SHISAL1: variants seen among roughly 807,000 people sequenced by gnomAD.
SHISAL1 encodes shisa like 1.
A neutral mutation model predicts 22.6 loss-of-function variants in SHISAL1; 9 were observed. That is an observed-to-expected ratio of 0.40 (90% CI 0.24 to 0.70). SHISAL1 has a LOEUF of 0.70. Among genes scored for constraint, SHISAL1 ranks in the 30% least tolerant of loss-of-function variants. The pLI is 0.39. For missense variants in SHISAL1, 246 were observed against 270.6 expected (o/e 0.91, Z 0.64); for synonymous variants, 119 against 115.4 (o/e 1.03, Z -0.20).
chr22:44,323,340 A>C, the SHISAL1 span, among the ~76,000 whole-genome samples: 2 of 126,236 alleles, frequency 1.6e-5, no homozygotes, highest in African/African-American at 3.1e-5. Flanking sequence ...CCATCTATCC[A>C]CCCATTCATC....
chr22:44,250,673 G>C (rs1328364829), intron 4 of SHISAL1, among the ~76,000 whole-genome samples: 1 of 152,176 alleles, frequency 6.6e-6, no homozygotes, highest in Non-Finnish European at 1.5e-5. Flanking sequence ...CATGAATCCA[G>C]GGGGAAATGA....
intron 3 of SHISAL1, among the ~76,000 whole-genome samples, chr22:44,288,572 T>C (rs1308251160): frequency 1.3e-5 from 2 of 151,704 alleles, no homozygotes; most frequent in East Asian, 1.9e-4. Context: ...ATGCGGGAGG[T>C]GGAGCTTGCA....
At chr22:44,321,361 G>A in the SHISAL1 span, among the ~76,000 whole-genome samples, 3 of 152,188 alleles carry the variant, frequency 2.0e-5, no homozygotes, top group African/African-American at 7.2e-5. Flanking sequence ...TAGATGCATG[G>A]TTCCCTCTGC....
intron 1 of SHISAL1, among the ~76,000 whole-genome samples, chr22:44,309,851 C>T (rs934550062): frequency 5.3e-5 from 8 of 152,348 alleles, no homozygotes; most frequent in Middle Eastern, 3.4e-3. Flanking sequence ...CACTCTGAAA[C>T]GTGAAGTCCA....
At chr22:44,279,192 G>C (rs1343756453) in intron 4 of SHISAL1, among the ~76,000 whole-genome samples, 1 of 152,206 alleles carries the variant, frequency 6.6e-6, no homozygotes, top group African/African-American at 2.4e-5. Context: ...GCAGCCCAGA[G>C]AGCCAGCAAA....
At chr22:44,285,386 C>A in intron 4 of SHISAL1, 42 bp downstream of exon 4, 2 of 1,594,376 alleles carry the variant, frequency 1.3e-6, no homozygotes, top group Non-Finnish European at 1.7e-6. Context: ...TCTCCAAAGA[C>A]AATGACCCAA....
intron 4 of SHISAL1, among the ~76,000 whole-genome samples, chr22:44,263,154 T>G (rs1204666669): frequency 8.1e-5 from 11 of 135,298 alleles, no homozygotes; most frequent in Non-Finnish European, 1.5e-4. Context: ...CACTGCAACC[T>G]CCGCCACCCG....
chr22:44,307,674 GC>G (rs1569226982), intron 1 of SHISAL1, among the ~76,000 whole-genome samples: 1 of 152,198 alleles, frequency 6.6e-6, no homozygotes, highest in East Asian at 1.9e-4. Flanking sequence ...ATCTCTGCGG[GC>G]CACCCCTCCG....
intron 4 of SHISAL1, among the ~76,000 whole-genome samples, chr22:44,282,708 G>A (rs746580725): frequency 3.9e-5 from 6 of 152,208 alleles, no homozygotes; most frequent in African/African-American, 9.6e-5. Context: ...GAAGAGCAGC[G>A]GCACTCAGCA....
intron 4 of SHISAL1, among the ~76,000 whole-genome samples, chr22:44,273,077 CAGAGCA>C (rs2055215798): frequency 6.6e-6 from 1 of 150,556 alleles, no homozygotes; most frequent in Non-Finnish European, 1.5e-5. Context: ...GCCTGGGCAA[CAGAGCA>C]AGACTCTGTC....
the SHISAL1 span, among the ~76,000 whole-genome samples, chr22:44,326,920 C>T: frequency 6.6e-6 from 1 of 152,042 alleles, no homozygotes; most frequent in Non-Finnish European, 1.5e-5. Flanking sequence ...TGTTTGTACT[C>T]CTCCCCACAC....
chr22:44,255,692 A>C (rs1333191417), intron 4 of SHISAL1, among the ~76,000 whole-genome samples: 1 of 152,142 alleles, frequency 6.6e-6, no homozygotes, highest in Non-Finnish European at 1.5e-5. Context: ...GAGAAAACCT[A>C]AGTCCAATTA....
At chr22:44,327,244 A>G in the SHISAL1 span, among the ~76,000 whole-genome samples, 974 of 34,976 alleles carry the variant, frequency 0.028, 10 homozygotes, top group African/African-American at 0.064. Context: ...GGGCGCGCAC[A>G]CACACACACA....
At chr22:44,268,692 G>A (rs2055183448) in intron 4 of SHISAL1, among the ~76,000 whole-genome samples, 1 of 152,206 alleles carries the variant, frequency 6.6e-6, no homozygotes, top group Non-Finnish European at 1.5e-5. Flanking sequence ...GAGGCCTCGG[G>A]AAGGAGCGTG....
rs984666075 is a variant in SHISAL1 at position 44,250,563 on chromosome 22, G to A, written c.*-878C>T. ...TGTCTATTATAAGAGCAATTGCCCA[G>A]TCACAAATACTTACCTTCCCCGACT... On this transcript the variant is annotated intron_variant, in intron 4 of 4. Coordinates refer to ENST00000381176, the MANE Select transcript of SHISAL1 (RefSeq NM_001099294.2). Among the ~76,000 whole-genome samples, 11 of 152,300 alleles carry A rather than the reference G, an allele frequency of 7.2e-5. 1 individual carries two copies. Among genetic ancestry groups the A allele is most frequent in the Admixed American group, 4.6e-4 (7 of 15,300 alleles).
rs367772637 is a variant in SHISAL1 at position 44,249,668 on chromosome 22, G to A, written c.*17C>T. The A allele has an allele frequency of 5.1e-6, 4 of 779,728 alleles. No individual in the cohort carries two copies. Among genetic ancestry groups the A allele is most frequent in the Non-Finnish European group, 9.6e-6 (4 of 418,090 alleles). The allele number at this position is 779,728 out of a possible 1,614,324, so 48.3% of individuals were successfully genotyped here. ...CAGATCTCATCTCCCCCATCCTGAG[G>A]CACAGCAAAAGCGTTTTCTGGAGGA... On this transcript the variant is annotated 3_prime_UTR_variant, in exon 5 of 5. Transcript: ENST00000381176.
chr22:44,289,496 T>TGTGTGTG (rs768987294), intron 3 of SHISAL1, among the ~76,000 whole-genome samples: 2,509 of 137,788 alleles, frequency 0.018, 60 homozygotes, highest in African/African-American at 0.06. Flanking sequence ...GTGTGTGTGT[T>TGTGTGTG]TACTGCCGGG....
chr22:44,282,625 A>C (rs2055284596), intron 4 of SHISAL1, among the ~76,000 whole-genome samples: 1 of 152,196 alleles, frequency 6.6e-6, no homozygotes, highest in Admixed American at 6.5e-5. Flanking sequence ...GCAGGGGAGA[A>C]AGGCAGAGAA....
intron 4 of SHISAL1, among the ~76,000 whole-genome samples, chr22:44,258,350 G>A (rs1309257740): frequency 1.3e-5 from 2 of 152,134 alleles, no homozygotes; most frequent in African/African-American, 2.4e-5. Context: ...TATGCAGGAC[G>A]TGCAGGTTTG....
Sources: allele counts gnomAD v4.1 joint callset (sites outside exome capture counted in the v4.1 genomes callset), GRCh38; gene constraint gnomAD v4.1.1; transcripts MANE v1.5; gene names NCBI Gene and HGNC (gene_info 2026-07-23, HGNC 2026-07-21).